Variants in WDR3 observed in about 807,000 individuals in gnomAD.
WDR3 encodes the protein WD repeat-containing protein 3.
Under a neutral mutation model 123.7 loss-of-function variants are expected in WDR3, and 81 were observed. The observed-to-expected ratio is 0.65, with a 90% confidence interval of 0.55 to 0.79. The LOEUF (loss-of-function observed/expected upper bound fraction) is 0.79, where lower values mean the gene tolerates loss of function less well. Among genes scored for constraint, WDR3 ranks in the 30% least tolerant of loss-of-function variants. The pLI is 0.00. For missense variants in WDR3, 1,027 were observed against 1,123.2 expected (o/e 0.91, Z 1.22); for synonymous variants, 390 against 388.8 (o/e 1.00, Z -0.04).
intron 26 of WDR3, 29 bp from the exon 27 acceptor site, chr1:117,959,263 T>G (rs2101325780): frequency 6.3e-7 from 1 of 1,594,454 alleles, no homozygotes; most frequent in Non-Finnish European, 8.5e-7. Flanking sequence ...GGGAGAAAAT[T>G]TTTTAATATT....
intron 20 of WDR3, among the ~76,000 whole-genome samples, 167 bp downstream of exon 20, chr1:117,953,163 C>T (rs899484331): frequency 5.9e-5 from 9 of 152,052 alleles, no homozygotes; most frequent in African/African-American, 2.2e-4. Flanking sequence ...ACTGTATATC[C>T]TAATTTTGTG....
At chr1:117,938,134 C>T (rs767131481) in intron 4 of WDR3, among the ~76,000 whole-genome samples, 12 of 152,046 alleles carry the variant, frequency 7.9e-5, no homozygotes, top group Non-Finnish European at 1.5e-4. Flanking sequence ...GGAGTGGGAG[C>T]GGTCTAAGAT....
rs182013005 is a variant in WDR3, at chr1:117,944,391, T to C, written c.1328+765T>C. Among the ~76,000 whole-genome samples, 266 of 152,346 alleles carry C rather than the reference T, an allele frequency of 1.7e-3. 4 individuals carry two copies. Among genetic ancestry groups the C allele is most frequent in the Admixed American group, 0.015 (235 of 15,310 alleles). Reference sequence around the variant, plus strand: ...GTTAGAGTGCTTTAGGGCAGAGTCTTTGGACCTTTTGTGTATCTAAACTCA... The same window carrying C: ...GTTAGAGTGCTTTAGGGCAGAGTCTCTGGACCTTTTGTGTATCTAAACTCA... On this transcript the variant is annotated intron_variant, in intron 11 of 26. Transcript: ENST00000349139.
intron 16 of WDR3, among the ~76,000 whole-genome samples, 157 bp from the exon 17 acceptor site, chr1:117,951,819 A>C (rs1571021159): frequency 6.6e-6 from 1 of 152,314 alleles, no homozygotes; most frequent in East Asian, 1.9e-4. Context: ...CTCTGTAGGT[A>C]AGAGCAAAGA....
chr1:117,957,224 G>A (rs371646343), intron 25 of WDR3, 28 bp downstream of exon 25: 21 of 1,602,088 alleles, frequency 1.3e-5, no homozygotes, highest in African/African-American at 2.7e-5. Flanking sequence ...AGAATACCAT[G>A]TCTGTTCAGC....
chr1:117,941,737 T>G lies in WDR3; in HGVS notation c.892-13T>G. ...ACCTCTCCTTGACTCACATTAACCT[T>G]TTGCCTTTCTAGGGAACTGACTCTG... is the stretch of plus-strand genomic sequence containing the variant. On this transcript the variant is annotated splice_polypyrimidine_tract_variant and intron_variant, in intron 8 of 26. Transcript: ENST00000349139. The G allele has an allele frequency of 6.2e-7, 1 of 1,605,852 alleles. No homozygotes were observed. The highest frequency in any genetic ancestry group is 8.5e-7 in the Non-Finnish European group (1 of 1,178,212).
At chr1:117,953,031 CATAT>C (rs758230477) in intron 20 of WDR3, 35 bp downstream of exon 20, 7 of 1,601,250 alleles carry the variant, frequency 4.4e-6, no homozygotes, top group Non-Finnish European at 6.0e-6. Flanking sequence ...GATTATGCCC[CATAT>C]ATAGTTATCT....
chr1:117,958,815 T>A, intron 25 of WDR3, 95 bp from the exon 26 acceptor site: 1 of 846,390 alleles, frequency 1.2e-6, no homozygotes, highest in South Asian at 2.0e-5. Context: ...TATATTTTGT[T>A]GTTGCTTTGA....
In WDR3 at chr1:117,943,676, A is replaced by AT. The variant is rs200391598; in HGVS notation, c.1328+58dup. 8,119 of 1,551,016 alleles carry AT rather than the reference A, an allele frequency of 5.2e-3. 379 individuals carry two copies. In the Admixed American group the frequency reaches 0.093, roughly 18 times the overall value. On this transcript the variant is annotated intron_variant, in intron 11 of 26. Coordinates refer to ENST00000349139, the MANE Select transcript of WDR3 (RefSeq NM_006784.3). The stretch of plus-strand genomic sequence containing the variant: ...GCTGTAGTTAGTAGTATTTCTTTTA[A>AT]TTTTTTTTGGTACTCTTAAGGGTTA...
At chr1:117,949,949 A>C in intron 14 of WDR3, 46 bp from the exon 15 acceptor site, 1 of 1,612,628 alleles carries the variant, frequency 6.2e-7, no homozygotes, top group Non-Finnish European at 8.5e-7. Context: ...ATTTGTCTGA[A>C]TTTGTATACT....
intron 20 of WDR3, 118 bp from the exon 21 acceptor site, chr1:117,953,358 A>G (rs1651725282): frequency 1.0e-6 from 1 of 972,604 alleles, no homozygotes; most frequent in African/African-American, 1.7e-5. Context: ...AGCTGATAAC[A>G]CTGTTAGTAT....
chr1:117,952,218 C>T, intron 17 of WDR3, 79 bp from the exon 18 acceptor site: 3 of 1,450,220 alleles, frequency 2.1e-6, no homozygotes, highest in Non-Finnish European at 2.9e-6. Flanking sequence ...ACTAGCTAGT[C>T]AAAAGCTATT....
chr1:117,946,002 A>T, intron 11 of WDR3, 84 bp from the exon 12 acceptor site: 1 of 925,502 alleles, frequency 1.1e-6, no homozygotes, highest in Non-Finnish European at 1.6e-6. Context: ...GATCTGTCTA[A>T]GTGCATTGAA....
At chr1:117,934,241 G>A (rs917462096) in intron 2 of WDR3, among the ~76,000 whole-genome samples, 4 of 152,168 alleles carry the variant, frequency 2.6e-5, no homozygotes, top group East Asian at 3.9e-4. Context: ...TTACAACAAC[G>A]TAGGGCTTTG....
intron 13 of WDR3, among the ~76,000 whole-genome samples, chr1:117,949,195 A>T (rs1651513712): frequency 6.6e-6 from 1 of 152,150 alleles, no homozygotes; most frequent in Non-Finnish European, 1.5e-5. Context: ...TCTTTTCCAT[A>T]AACTGTGTGG....
Position 117,938,568 on chromosome 1 carries a change from G to T in WDR3, c.579+10G>T. The stretch of plus-strand genomic sequence containing the variant: ...TGGCCACCGGACTGAGGTAAGTGTA[G>T]GGTCATGGGCCCAGGGAAATAATGG... On this transcript the variant is annotated intron_variant, in intron 5 of 26. Coordinates refer to ENST00000349139, the MANE Select transcript of WDR3 (RefSeq NM_006784.3). 1 of 1,612,250 alleles carries T rather than the reference G, an allele frequency of 6.2e-7. No individual in the cohort carries two copies. The highest frequency in any genetic ancestry group is 1.1e-5 in the South Asian group (1 of 90,912).
rs754986735 is a variant in WDR3, at chr1:117,942,505, T to G, written c.1058T>G (p.Ile353Ser). Reference sequence around the variant, plus strand: ...GTTGAAATGAGTCTGCAAGATGAAATCCAGCGGGTGACTAATATAAAAACT... The same window carrying G: ...GTTGAAATGAGTCTGCAAGATGAAAGCCAGCGGGTGACTAATATAAAAACT... The part of the protein sequence containing the change: ...VNVEMSLQDE[I>S]QRVTNIKTSA... The change falls in exon 10 of 27, where the codon ATC becomes AGC. Residue 353 changes from isoleucine to serine, a missense_variant. Physicochemically the swap from Ile to Ser is moderately radical, Grantham distance 142. Coordinates refer to ENST00000349139, the MANE Select transcript of WDR3 (RefSeq NM_006784.3). 5.0e-6 allele frequency: 8 copies of G among 1,613,974 alleles called. No homozygotes were observed. In the South Asian group the frequency reaches 8.8e-5, roughly 18 times the overall value.
At chr1:117,950,433 C>T (rs2101218485) in intron 15 of WDR3, among the ~76,000 whole-genome samples, 1 of 152,222 alleles carries the variant, frequency 6.6e-6, no homozygotes, top group African/African-American at 2.4e-5. Context: ...AGTGATTTCA[C>T]ACTTGGCTAT....
intron 3 of WDR3, 67 bp from the exon 4 acceptor site, chr1:117,936,702 G>GT (rs1163458884): frequency 8.0e-7 from 1 of 1,247,774 alleles, no homozygotes; most frequent in Non-Finnish European, 1.1e-6. Flanking sequence ...AAGTCTCATT[G>GT]TTTGTCAAGT....
Sources: allele counts gnomAD v4.1 joint callset (sites outside exome capture counted in the v4.1 genomes callset), GRCh38; gene constraint gnomAD v4.1.1; transcripts MANE v1.5; gene names NCBI Gene and HGNC (gene_info 2026-07-23, HGNC 2026-07-21).